The following QTMAN variants were observed in gnomAD, a reference collection of about 807,000 sequenced individuals.
QTMAN encodes tRNA-queuosine alpha-mannosyltransferase.
At chr2:144,207,945 G>C in the QTMAN span, among the ~76,000 whole-genome samples, 1 of 151,984 alleles carries the variant, frequency 6.6e-6, no homozygotes, top group Non-Finnish European at 1.5e-5. Context: ...TGAACTCCCA[G>C]GCTCAAGCAA....
the QTMAN span, among the ~76,000 whole-genome samples, chr2:144,244,155 G>A: frequency 6.6e-6 from 1 of 152,096 alleles, no homozygotes. Flanking sequence ...TTGGGCTCAG[G>A]GTTCCCATCA....
At chr2:144,133,798 C>T in the QTMAN span, among the ~76,000 whole-genome samples, 6 of 151,108 alleles carry the variant, frequency 4.0e-5, no homozygotes, top group Admixed American at 6.6e-5. Flanking sequence ...AAAAGAAACA[C>T]GTTTTTGCAA....
chr2:144,261,930 C>A, the QTMAN span, among the ~76,000 whole-genome samples: 1 of 151,920 alleles, frequency 6.6e-6, no homozygotes, highest in African/African-American at 2.4e-5. Flanking sequence ...AAAACTGATC[C>A]ATTTAAGTAA....
chr2:144,161,593 T>TCTAA, the QTMAN span, among the ~76,000 whole-genome samples: 1 of 152,188 alleles, frequency 6.6e-6, no homozygotes, highest in African/African-American at 2.4e-5. Context: ...TTGAGTCCTT[T>TCTAA]CTAACAGTAG....
the QTMAN span, among the ~76,000 whole-genome samples, chr2:144,218,414 G>A: frequency 5.9e-5 from 9 of 152,174 alleles, no homozygotes; most frequent in African/African-American, 2.2e-4. Context: ...CCTGGAAGGA[G>A]TCCACTGGCT....
the QTMAN span, among the ~76,000 whole-genome samples, chr2:144,233,179 C>T: frequency 6.6e-6 from 1 of 152,104 alleles, no homozygotes; most frequent in Non-Finnish European, 1.5e-5. Context: ...GCAAATATCA[C>T]TCAAAAGTTT....
chr2:144,281,745 T>C, the QTMAN span, among the ~76,000 whole-genome samples: 2 of 152,160 alleles, frequency 1.3e-5, no homozygotes, highest in Non-Finnish European at 2.9e-5. Flanking sequence ...GAGAGGACCA[T>C]ATGAGCAAGG....
chr2:144,105,165 C>A, the QTMAN span, among the ~76,000 whole-genome samples: 1 of 152,082 alleles, frequency 6.6e-6, no homozygotes, highest in Non-Finnish European at 1.5e-5. Context: ...AAAAACAGAG[C>A]AGAAAAGCTG....
At chr2:144,182,903 A>T in the QTMAN span, among the ~76,000 whole-genome samples, 8 of 97,802 alleles carry the variant, frequency 8.2e-5, no homozygotes, top group Non-Finnish European at 1.6e-4. Context: ...TATATATATT[A>T]TATATATATA....
At chr2:144,062,798 C>T in the QTMAN span, among the ~76,000 whole-genome samples, 3 of 152,076 alleles carry the variant, frequency 2.0e-5, no homozygotes, top group African/African-American at 7.2e-5. Flanking sequence ...CCATAGAAGA[C>T]CTGAAGTTAG....
chr2:144,176,198 G>A, the QTMAN span, among the ~76,000 whole-genome samples: 4 of 151,772 alleles, frequency 2.6e-5, no homozygotes, highest in East Asian at 1.9e-4. Context: ...ATACAATTAC[G>A]GTTCATTATT....
chr2:143,980,488 G>T, the QTMAN span, among the ~76,000 whole-genome samples: 1 of 152,026 alleles, frequency 6.6e-6, no homozygotes, highest in African/African-American at 2.4e-5. Context: ...TAAAAAGTTA[G>T]TAAATTGAAT....
the QTMAN span, among the ~76,000 whole-genome samples, chr2:144,074,138 T>C: frequency 3.9e-5 from 6 of 152,224 alleles, no homozygotes; most frequent in Admixed American, 3.3e-4. Context: ...ATGAATCTCT[T>C]ATTTCAATGT....
At chr2:144,185,152 T>C in the QTMAN span, among the ~76,000 whole-genome samples, 2 of 152,220 alleles carry the variant, frequency 1.3e-5, no homozygotes, top group Non-Finnish European at 2.9e-5. Context: ...GCTCCAAAAA[T>C]ATATTATCTC....
chr2:144,160,659 T>C, the QTMAN span, among the ~76,000 whole-genome samples: 22,787 of 152,012 alleles, frequency 0.15, 4,367 homozygotes, highest in African/African-American at 0.45. Context: ...CAGTAGATGA[T>C]CAAGATGCCT....
At chr2:144,250,422 C>T in the QTMAN span, among the ~76,000 whole-genome samples, 2 of 151,976 alleles carry the variant, frequency 1.3e-5, no homozygotes, top group African/African-American at 4.8e-5. Context: ...AGATTACAAG[C>T]ACGAGCCACC....
chr2:144,155,478 C>G, the QTMAN span, among the ~76,000 whole-genome samples: 1 of 152,220 alleles, frequency 6.6e-6, no homozygotes, highest in Non-Finnish European at 1.5e-5. Context: ...ATTAATCTAT[C>G]GTACAAGACT....
the QTMAN span, among the ~76,000 whole-genome samples, chr2:144,165,760 A>C: frequency 6.6e-6 from 1 of 152,182 alleles, no homozygotes; most frequent in African/African-American, 2.4e-5. Context: ...ACCAAACCAG[A>C]AACCTGAGAG....
At chr2:144,303,857 T>TGGAGGCACTCTCTGCATCATGGTG in the QTMAN span, among the ~76,000 whole-genome samples, 14 of 152,342 alleles carry the variant, frequency 9.2e-5, no homozygotes, top group East Asian at 2.3e-3. Flanking sequence ...GCTTTCTGCC[T>TGGAGGCACTCTCTGCATCATGGTG]GGAGGCACTC....
Sources: gnomAD v4.1 joint callset for allele counts (sites outside exome capture counted in the v4.1 genomes callset) on GRCh38, gnomAD v4.1.1 for gene constraint, MANE v1.5 for transcripts, NCBI Gene and HGNC (gene_info 2026-07-23, HGNC 2026-07-21) for gene names.